Variants in CNTN2 observed in about 807,000 individuals in gnomAD.
The protein encoded by CNTN2 is contactin 2.
CNTN2 carries 53 observed loss-of-function variants against 117.5 expected under a neutral mutation model. The observed-to-expected ratio is 0.45, with a 90% confidence interval of 0.36 to 0.57. The LOEUF (loss-of-function observed/expected upper bound fraction) is 0.57, where lower values mean the gene tolerates loss of function less well. Ranked by LOEUF, CNTN2 falls within the 20% of genes least tolerant of loss-of-function variation. The pLI, the probability that CNTN2 is intolerant of heterozygous loss-of-function variation, is 0.00. For missense variants in CNTN2, 1,106 were observed against 1,404.3 expected (o/e 0.79, Z 3.39); for synonymous variants, 530 against 561.7 (o/e 0.94, Z 0.80).
intron 19 of CNTN2, among the ~76,000 whole-genome samples, chr1:205,071,549 T>G (rs1654593395): frequency 6.6e-6 from 1 of 152,190 alleles, no homozygotes; most frequent in African/African-American, 2.4e-5. Context: ...GGTTTGCATT[T>G]ATTAGGCAAC....
intron 2 of CNTN2, among the ~76,000 whole-genome samples, chr1:205,055,578 G>A (rs2096459679): frequency 6.6e-6 from 1 of 152,170 alleles, no homozygotes; most frequent in African/African-American, 2.4e-5. Flanking sequence ...GGTCTCCTGA[G>A]CCTCACTCCA....
chr1:205,059,737 C>A lies in CNTN2; in HGVS notation c.797+55C>A. The A allele has an allele frequency of 1.3e-6, 2 of 1,492,574 alleles. No homozygotes were observed. The highest frequency in any genetic ancestry group is 1.9e-6 in the Non-Finnish European group (2 of 1,073,082). 92.5% of individuals were successfully genotyped at this position (1,492,574 alleles called of 1,614,324 possible). On this transcript the variant is annotated intron_variant, in intron 7 of 22. Transcript: ENST00000331830. The surrounding 1 kb of genome is among the most constrained non-coding windows in gnomAD (Gnocchi z 5.6). Reference sequence around the variant, plus strand: ...CACGGTCTCTCGGGGGCACAGGTGACCCCAGGGTGAGGGCAGGCAGAGTCA... The same window carrying A: ...CACGGTCTCTCGGGGGCACAGGTGAACCCAGGGTGAGGGCAGGCAGAGTCA...
chr1:205,061,713 C>A lies in CNTN2; in HGVS notation c.974-152C>A. ...CCAGCTTTCTTGTGCCTCCTTCTTC[C>A]GGCCCCCTCCTCTTTGTCCTCTCCA... On this transcript the variant is annotated intron_variant, in intron 8 of 22. Transcript: ENST00000331830. This position sits in a 1 kb window ranked among gnomAD's most constrained non-coding sequence, Gnocchi z 4.8. The A allele has an allele frequency of 9.4e-7, 1 of 1,067,286 alleles. No individual in the cohort carries two copies. Among genetic ancestry groups the A allele is most frequent in the Non-Finnish European group, 1.3e-6 (1 of 749,010 alleles). 66.1% of individuals were successfully genotyped at this position (1,067,286 alleles called of 1,614,324 possible).
chr1:205,058,680 G>C lies in CNTN2; in HGVS notation c.487+17G>C, dbSNP rs775741489. On this transcript the variant is annotated intron_variant, in intron 5 of 22. Coordinates refer to ENST00000331830, the MANE Select transcript of CNTN2 (RefSeq NM_005076.5). The surrounding 1 kb of genome is among the most constrained non-coding windows in gnomAD (Gnocchi z 4.3). ...ACTACCCAGGTGAGTCCAGACCTGG[G>C]GCCAGGGTTAGAGAGGGCACAGGAA... 1.9e-6 allele frequency: 3 copies of C among 1,604,924 alleles called. No individual in the cohort carries two copies. The highest frequency in any genetic ancestry group is 1.7e-6 in the Non-Finnish European group (2 of 1,173,472).
intron 10 of CNTN2, chr1:205,062,794 C>T (rs886394955): frequency 1.4e-5 from 5 of 368,940 alleles, no homozygotes; most frequent in African/African-American, 1.1e-4. Flanking sequence ...CCATGTCTGG[C>T]ACACAGTAAA....
chr1:205,057,604 T>C, intron 2 of CNTN2: 1 of 233,284 alleles, frequency 4.3e-6, no homozygotes, highest in South Asian at 1.1e-4. Context: ...GTGCTGGGTA[T>C]AGAGCAGGTG....
At chr1:205,057,416 G>C (rs1224372423) in intron 2 of CNTN2, 1 of 152,494 alleles carries the variant, frequency 6.6e-6, no homozygotes, top group Non-Finnish European at 1.5e-5. Flanking sequence ...CTTCTGTAAG[G>C]GTCCCTTGAA....
Position 205,061,681 on chromosome 1 carries a change from CAG to C in CNTN2, c.974-181_974-180del, listed in dbSNP as rs1653990214. The C allele has an allele frequency of 2.3e-6, 2 of 887,234 alleles. No individual in the cohort carries two copies. Among genetic ancestry groups the C allele is most frequent in the African/African-American group, 3.4e-5 (2 of 59,136 alleles). The allele number at this position is 887,234 out of a possible 1,614,324, so 55.0% of individuals were successfully genotyped here. ...GCAAAAGCAGCCACTGGCACAGCCA[CAG>C]AGTGCCAGCTTTCTTGTGCCTCCTT... On this transcript the variant is annotated intron_variant, in intron 8 of 22. Transcript: ENST00000331830. The surrounding 1 kb of genome is among the most constrained non-coding windows in gnomAD (Gnocchi z 4.8).
At position 205,073,506 on chromosome 1, in the gene CNTN2, G is replaced by C; in HGVS notation, c.3014-150G>C. On this transcript the variant is annotated intron_variant, in intron 22 of 22. Transcript: ENST00000331830. The surrounding 1 kb of genome is among the most constrained non-coding windows in gnomAD (Gnocchi z 6.3). ...AATAGCAAACGGCCTACAAAGCACCGTAGGAGTCGGACTGAGAAGACCACC... is the reference window on the plus strand; with the variant it reads ...AATAGCAAACGGCCTACAAAGCACCCTAGGAGTCGGACTGAGAAGACCACC... 1.3e-6 allele frequency: 1 copy of C among 761,576 alleles called. No homozygotes were observed. The highest frequency in any genetic ancestry group is 2.2e-6 in the Non-Finnish European group (1 of 463,956). 47.2% of individuals were successfully genotyped at this position (761,576 alleles called of 1,614,324 possible).
chr1:205,052,082 C>A (rs983529287), intron 1 of CNTN2, among the ~76,000 whole-genome samples: 1 of 152,366 alleles, frequency 6.6e-6, no homozygotes, highest in South Asian at 2.1e-4. Context: ...CCCTGACCCC[C>A]TCCCACTGCT....
intron 14 of CNTN2, chr1:205,066,111 T>C: frequency 1.4e-6 from 1 of 701,142 alleles, no homozygotes; most frequent in Middle Eastern, 2.6e-4. Context: ...AGTCAAAGTT[T>C]AAAAAATCCA....
Position 205,064,344 on chromosome 1 carries a change from G to A in CNTN2, c.1263G>A (p.Leu421=). The change falls in exon 11 of 23, where the codon CTG becomes CTA. Residue 421 remains leucine (L), a synonymous_variant. Transcript: ENST00000331830. ...TAGCACTCGCCCCTGACTTCAGGCT[G>A]AATCCCGTGAGGCGTCTGATCCCCG... ...AVQALAPDFR[L]NPVRRLIPAA... The A allele has an allele frequency of 1.3e-6, 2 of 1,591,890 alleles. No individual in the cohort carries two copies. The highest frequency in any genetic ancestry group is 1.7e-6 in the Non-Finnish European group (2 of 1,164,892).
chr1:205,066,704 C>A, intron 15 of CNTN2, 105 bp downstream of exon 15: 2 of 1,331,744 alleles, frequency 1.5e-6, no homozygotes, highest in Non-Finnish European at 1.0e-6. Context: ...CAGGGCTGAG[C>A]CTGGAGCTTC....
chr1:205,063,287 A>G (rs1334975673), intron 10 of CNTN2: 3 of 152,234 alleles, frequency 2.0e-5, no homozygotes, highest in Admixed American at 2.0e-4. Context: ...AATAAACCCC[A>G]AATCAAACAA....
chr1:205,056,786 G>A (rs1195832408), intron 2 of CNTN2, among the ~76,000 whole-genome samples: 1 of 152,146 alleles, frequency 6.6e-6, no homozygotes, highest in Non-Finnish European at 1.5e-5. Context: ...TCGAAGGGCA[G>A]GTGTGATGTC....
chr1:205,063,942 A>G (rs541577144), intron 10 of CNTN2, among the ~76,000 whole-genome samples: 1 of 152,092 alleles, frequency 6.6e-6, no homozygotes, highest in Non-Finnish European at 1.5e-5. Flanking sequence ...AACATAATGA[A>G]TGGGGGATAG....
chr1:205,047,772 G>A (rs1309237184), intron 1 of CNTN2, among the ~76,000 whole-genome samples: 2 of 152,232 alleles, frequency 1.3e-5, no homozygotes, highest in Non-Finnish European at 2.9e-5. Context: ...GCGGACACAC[G>A]GCTGTGAGAT....
In CNTN2 at chr1:205,045,055, A is replaced by T. The variant is rs1195635465; in HGVS notation, c.-87+1661A>T. 3.3e-5 allele frequency among the ~76,000 whole-genome samples: 5 copies of T among 152,224 alleles called. No individual in the cohort carries two copies. The East Asian group carries it at 5.8e-4, about 18-fold the overall frequency. ...ACAGGAAAGGGCCCCTGACCTGATG[A>T]TGTCAAAGTCACCCAAGGTCCACCT... On this transcript the variant is annotated intron_variant, in intron 1 of 22. Coordinates refer to ENST00000331830, the MANE Select transcript of CNTN2 (RefSeq NM_005076.5).
At chr1:205,067,698 A>G (rs3767297) in intron 16 of CNTN2, 119,536 of 153,322 alleles carry the variant, frequency 0.78, 47,847 homozygotes, top group East Asian at 0.97. Context: ...AGGCCGAGGC[A>G]GGCAGATCAC....
Sources: allele counts gnomAD v4.1 joint callset (sites outside exome capture counted in the v4.1 genomes callset), GRCh38; gene constraint gnomAD v4.1.1; non-coding constraint Gnocchi (gnomAD v3.1); transcripts MANE v1.5; gene names NCBI Gene and HGNC (gene_info 2026-07-23, HGNC 2026-07-21).